PRAMEF26: variants seen among roughly 807,000 people sequenced by gnomAD.
PRAMEF26 encodes PRAME family member 26.
At chr1:13,155,844 A>C (rs1428710447) in intron 1 of PRAMEF26, 40 bp downstream of exon 1, 1 of 94,856 alleles carries the variant, frequency 1.1e-5, no homozygotes, top group Non-Finnish European at 1.9e-5. Flanking sequence ...AGCTGACTGT[A>C]GGTCAGATGG....
intron 1 of PRAMEF26, chr1:13,154,851 G>A (rs1335345368): frequency 1.3e-4 from 3 of 23,824 alleles, no homozygotes; most frequent in African/African-American, 3.3e-4. Flanking sequence ...GTCTCACTTC[G>A]TTGCCCAGGC....
intron 1 of PRAMEF26, chr1:13,155,270 G>T (rs1464859906): frequency 7.1e-6 from 1 of 140,364 alleles, no homozygotes; most frequent in Admixed American, 7.2e-5. Context: ...TCTAATCCCA[G>T]CATTTTGGGA....
intron 1 of PRAMEF26, chr1:13,155,328 G>A (rs1368504590): frequency 7.9e-6 from 1 of 125,952 alleles, no homozygotes; most frequent in Non-Finnish European, 1.7e-5. Context: ...AGACCAAACT[G>A]GCCAGCATGG....
At chr1:13,155,394 A>T (rs1642996546) in intron 1 of PRAMEF26, 1 of 100,508 alleles carries the variant, frequency 9.9e-6, no homozygotes, top group South Asian at 3.6e-4. Context: ...GTTTCAGATG[A>T]CTGTTATACC....
intron 3 of PRAMEF26, chr1:13,150,323 C>T (rs1642968685): frequency 6.2e-6 from 1 of 160,008 alleles, no homozygotes; most frequent in Non-Finnish European, 1.3e-5. Context: ...ATTTCACCAT[C>T]ATTTATAGGA....
intron 1 of PRAMEF26, chr1:13,155,074 C>G (rs1233525194): frequency 8.3e-6 from 1 of 119,936 alleles, no homozygotes; most frequent in East Asian, 2.4e-4. Flanking sequence ...GACAGGGTCT[C>G]TCTCTTTTGC....
At chr1:13,149,989 C>T (rs1553179273) in intron 3 of PRAMEF26, 191 bp from the exon 4 acceptor site, 1 of 197,596 alleles carries the variant, frequency 5.1e-6, no homozygotes, top group Non-Finnish European at 1.0e-5. Flanking sequence ...CCACTTTAGG[C>T]CCGGCCCAGT....
chr1:13,155,715 A>G (rs2100338838), intron 1 of PRAMEF26, 169 bp downstream of exon 1: 1 of 94,066 alleles, frequency 1.1e-5, no homozygotes, highest in East Asian at 2.7e-4. Context: ...CTTTTTTGAA[A>G]TAAAGACAGA....
At chr1:13,155,546 T>G in intron 1 of PRAMEF26, 2 of 74,516 alleles carry the variant, frequency 2.7e-5, no homozygotes. Context: ...AAAAAAAACG[T>G]TGTGTAGAGG....
At chr1:13,155,237 G>A (rs1184100965) in intron 1 of PRAMEF26, 1 of 145,952 alleles carries the variant, frequency 6.9e-6, no homozygotes, top group African/African-American at 2.5e-5. Flanking sequence ...AAAAGTAGAG[G>A]CCAAGCACCA....
At chr1:13,155,256 T>G (rs1299568887) in intron 1 of PRAMEF26, 1 of 141,240 alleles carries the variant, frequency 7.1e-6, no homozygotes, top group African/African-American at 2.6e-5. Context: ...CAGTGGCTCA[T>G]GGCTCTAATC....
At chr1:13,150,021 A>C (rs1553179267) in intron 3 of PRAMEF26, 13,936 of 140,600 alleles carry the variant, frequency 0.099, 34 homozygotes, top group African/African-American at 0.2. Flanking sequence ...GTAATCCCAG[A>C]ACTTTGGGAG....
At chr1:13,150,429 G>C (rs1642969667) in intron 3 of PRAMEF26, 2 of 61,204 alleles carry the variant, frequency 3.3e-5, no homozygotes. Flanking sequence ...GGAGATGCAG[G>C]CATAAAGGAC....
At chr1:13,150,183 C>G (rs1304062279) in intron 3 of PRAMEF26, 1 of 174,448 alleles carries the variant, frequency 5.7e-6, no homozygotes, top group Non-Finnish European at 1.2e-5. Context: ...GCAGAAGAAT[C>G]GCTTGAACCC....
chr1:13,150,260 C>G lies in PRAMEF26; in HGVS notation c.876-462G>C, dbSNP rs1438746597. 8.1e-3 allele frequency: 1,561 copies of G among 191,538 alleles called. 37 individuals carry two copies. The highest frequency in any genetic ancestry group is 9.5e-3 in the Non-Finnish European group (908 of 95,094). 11.9% of individuals were successfully genotyped at this position (191,538 alleles called of 1,614,324 possible). A position where few individuals can be genotyped will look rare whatever the true frequency, so the allele number is the denominator to read the frequency against. ...CTCCAGCCTGGGTGACAGAGAGAGA[C>G]TCTGTATTAAAAAAAAAAAAGGAGA... On this transcript the variant is annotated intron_variant, in intron 3 of 3. Coordinates refer to ENST00000624207, the MANE Select transcript of PRAMEF26 (RefSeq NM_001306072.3).
At chr1:13,155,061 T>A (rs1642991377) in intron 1 of PRAMEF26, 1 of 100,874 alleles carries the variant, frequency 9.9e-6, no homozygotes, top group African/African-American at 3.8e-5. Flanking sequence ...CTTTTGTTTT[T>A]TGGACAGGGT....
intron 3 of PRAMEF26, chr1:13,150,412 G>GCCCAGTGGAGATGCAGGCATAAAGGA (rs1553183727): frequency 5.2e-5 from 3 of 57,792 alleles, no homozygotes; most frequent in Admixed American, 2.6e-4. Flanking sequence ...GGCCACAGAA[G>GCCCAGTGGAGATGCAGGCATAAAGGA]CCCAGTGGAG....
At position 13,155,206 on chromosome 1, in the gene PRAMEF26, C is replaced by T. The variant is rs1223432358; in HGVS notation, c.-17+678G>A. On this transcript the variant is annotated intron_variant, in intron 1 of 3. Transcript: ENST00000624207. ...GGGCTACAGATGCATGCCACCATGC[C>T]CAGCTAATTAAAAAAAAAAAAAAAG... 2.1e-5 allele frequency: 3 copies of T among 145,536 alleles called. No homozygotes were observed. In the Admixed American group the frequency reaches 2.1e-4, roughly 10 times the overall value. 9.0% of individuals were successfully genotyped at this position (145,536 alleles called of 1,614,324 possible).
intron 3 of PRAMEF26, chr1:13,150,405 C>T (rs1553179195): frequency 1.6e-5 from 1 of 62,688 alleles, no homozygotes; most frequent in African/African-American, 4.7e-5. Flanking sequence ...ATCCCTGGGC[C>T]ACAGAAGCCC....
Sources: gnomAD v4.1 joint callset for allele counts on GRCh38, gnomAD v4.1.1 for gene constraint, MANE v1.5 for transcripts, NCBI Gene and HGNC (gene_info 2026-07-23, HGNC 2026-07-21) for gene names.